The following BCAS3 variants were observed in gnomAD, a reference collection of about 807,000 sequenced individuals.
BCAS3 encodes the protein BCAS4/BCAS3 fusion.
In BCAS3, 53 loss-of-function variants were observed where a neutral mutation model predicts 116.1. The ratio of observed to expected loss-of-function variants is 0.46; its 90% CI spans 0.37 to 0.57. The LOEUF (loss-of-function observed/expected upper bound fraction) is 0.57, where lower values mean the gene tolerates loss of function less well. BCAS3 is among the 20% of genes least tolerant of loss of function. The pLI is 0.00. For missense variants in BCAS3, 917 were observed against 1,165.4 expected (o/e 0.79, Z 3.10); for synonymous variants, 391 against 408.2 (o/e 0.96, Z 0.51).
At chr17:60,970,007 A>G (rs188550271) in intron 14 of BCAS3, among the ~76,000 whole-genome samples, 5 of 152,350 alleles carry the variant, frequency 3.3e-5, no homozygotes, top group Admixed American at 3.3e-4. Flanking sequence ...ATGGCACATA[A>G]TACCAGAAGC....
chr17:60,880,942 C>A (rs2056074808), intron 9 of BCAS3, among the ~76,000 whole-genome samples: 1 of 148,050 alleles, frequency 6.8e-6, no homozygotes, highest in African/African-American at 2.6e-5. Flanking sequence ...ATTGTCTTTT[C>A]ACTTTCTTCT....
intron 7 of BCAS3, among the ~76,000 whole-genome samples, chr17:60,844,653 G>T (rs2052331535): frequency 6.6e-6 from 1 of 152,112 alleles, no homozygotes; most frequent in South Asian, 2.1e-4. Context: ...TATCAAGCAT[G>T]ACCATCTAAG....
chr17:61,212,643 G>A (rs1350268807), intron 22 of BCAS3, among the ~76,000 whole-genome samples: 1 of 151,908 alleles, frequency 6.6e-6, no homozygotes, highest in Non-Finnish European at 1.5e-5. Flanking sequence ...AAATATTTCT[G>A]TGTATTCAAG....
chr17:60,781,615 T>G (rs896828874), intron 6 of BCAS3, among the ~76,000 whole-genome samples: 2 of 152,078 alleles, frequency 1.3e-5, no homozygotes, highest in Non-Finnish European at 2.9e-5. Context: ...CCTTCTTGTT[T>G]TTCTTCTTCA....
At chr17:61,234,449 G>C (rs1451205510) in intron 22 of BCAS3, among the ~76,000 whole-genome samples, 1 of 152,182 alleles carries the variant, frequency 6.6e-6, no homozygotes, top group African/African-American at 2.4e-5. Flanking sequence ...CTAAACTGTT[G>C]TATAGGATTA....
chr17:61,070,375 ATATATATATATATATATATATATATC>A (rs749441653), intron 19 of BCAS3: 1 of 116,552 alleles, frequency 8.6e-6, no homozygotes, highest in South Asian at 1.9e-4. Context: ...GAATATATAT[ATATATATATATATATATATATATATC>A]TTTTCACCAT....
In BCAS3 at chr17:61,355,947, T is replaced by C. The variant is rs1000857724; in HGVS notation, c.2426-12380T>C. On this transcript the variant is annotated intron_variant, in intron 22 of 23. Transcript: ENST00000407086. The surrounding 1 kb of genome is among the most constrained non-coding windows in gnomAD (Gnocchi z 4.2). The stretch of plus-strand genomic sequence containing the variant: ...ATCACAGCTCTATGTGTATGTTTTC[T>C]ATCCACCTGAAGAAGCAGGCCAGAG... Among the ~76,000 whole-genome samples the C allele has an allele frequency of 3.3e-5, 5 of 152,234 alleles. No individual in the cohort carries two copies. The highest frequency in any genetic ancestry group is 5.9e-5 in the Non-Finnish European group (4 of 68,044).
chr17:60,866,858 T>C (rs886950064), intron 7 of BCAS3, among the ~76,000 whole-genome samples: 13 of 152,158 alleles, frequency 8.5e-5, no homozygotes, highest in Non-Finnish European at 1.5e-4. Context: ...AAAGTTTTTG[T>C]TTTATTGATT....
chr17:61,200,372 G>A lies in BCAS3; in HGVS notation c.2425+115808G>A, dbSNP rs2080748491. Among the ~76,000 whole-genome samples the A allele has an allele frequency of 6.6e-6, 1 of 152,134 alleles. No homozygotes were observed. Among genetic ancestry groups the A allele is most frequent in the Non-Finnish European group, 1.5e-5 (1 of 68,018 alleles). On this transcript the variant is annotated intron_variant, in intron 22 of 23. Transcript: ENST00000407086. The surrounding 1 kb of genome is among the most constrained non-coding windows in gnomAD (Gnocchi z 5.1). ...AATAGTGACAACTAACATCAATTTGGCACTTACTATTGACAAAGCATTATT... is the reference window on the plus strand; with the variant it reads ...AATAGTGACAACTAACATCAATTTGACACTTACTATTGACAAAGCATTATT...
At chr17:61,025,582 A>G (rs769478115) in intron 16 of BCAS3, among the ~76,000 whole-genome samples, 7 of 152,122 alleles carry the variant, frequency 4.6e-5, no homozygotes, top group Non-Finnish European at 8.8e-5. Flanking sequence ...ATGTATTTCT[A>G]TGGGTTCACA....
chr17:61,317,277 A>C (rs1401008534), intron 22 of BCAS3, among the ~76,000 whole-genome samples: 1 of 152,204 alleles, frequency 6.6e-6, no homozygotes, highest in Non-Finnish European at 1.5e-5. Flanking sequence ...GGCCAGAGAG[A>C]GGGGACTCCT....
rs139019866 is a variant in BCAS3, at chr17:61,326,111, G to T, written c.2426-42216G>T. 4.0e-3 allele frequency among the ~76,000 whole-genome samples: 611 copies of T among 152,246 alleles called. 2 individuals carry two copies. Among genetic ancestry groups the T allele is most frequent in the African/African-American group, 0.014 (583 of 41,546 alleles). ...AAGTTTGTGGTCTAGGAGGGGAAAA[G>T]ACATTAATCAGATAATCTCACAAAT... On this transcript the variant is annotated intron_variant, in intron 22 of 23. Transcript: ENST00000407086. This position sits in a 1 kb window ranked among gnomAD's most constrained non-coding sequence, Gnocchi z 5.3.
At chr17:61,040,972 A>G (rs2145621064) in intron 19 of BCAS3, 80 bp downstream of exon 19, 4 of 1,211,700 alleles carry the variant, frequency 3.3e-6, no homozygotes, top group Non-Finnish European at 4.9e-6. Context: ...GAAAGCAAAC[A>G]TTACCACTGG....
intron 13 of BCAS3, among the ~76,000 whole-genome samples, chr17:60,928,046 C>T (rs1340163480): frequency 2.0e-5 from 3 of 152,148 alleles, no homozygotes; most frequent in Non-Finnish European, 4.4e-5. Context: ...TGATTTTACC[C>T]GTTTCAGCTA....
In BCAS3 at chr17:61,368,867, C is replaced by G. The variant is rs184257796; in HGVS notation, c.2593+373C>G. ...GCTGGAGACTTAGAGATTGGCAAGT[C>G]TCAGTAGGGCCTGCCAACCTGAGCG... On this transcript the variant is annotated intron_variant, in intron 23 of 23. Transcript: ENST00000407086. This position sits in a 1 kb window ranked among gnomAD's most constrained non-coding sequence, Gnocchi z 6.0. Among the ~76,000 whole-genome samples, 1 of 152,320 alleles carries G rather than the reference C, an allele frequency of 6.6e-6. No homozygotes were observed. The highest frequency in any genetic ancestry group is 6.5e-5 in the Admixed American group (1 of 15,310).
chr17:61,272,381 C>A (rs150142709), intron 22 of BCAS3, among the ~76,000 whole-genome samples: 1 of 151,840 alleles, frequency 6.6e-6, no homozygotes. Context: ...GCCTGTAATC[C>A]CAGCACTTTG....
chr17:61,271,294 GT>G (rs950437405), intron 22 of BCAS3, among the ~76,000 whole-genome samples: 230 of 138,792 alleles, frequency 1.7e-3, no homozygotes, highest in African/African-American at 5.9e-3. Context: ...CGCCCGACTA[GT>G]TTTTTGTATT....
intron 22 of BCAS3, among the ~76,000 whole-genome samples, chr17:61,353,395 G>C (rs917256869): frequency 3.3e-5 from 5 of 152,192 alleles, no homozygotes; most frequent in African/African-American, 1.2e-4. Context: ...AGGGGTCTGA[G>C]CAGCTGCCTT....
At chr17:60,845,114 C>T (rs980866984) in intron 7 of BCAS3, among the ~76,000 whole-genome samples, 1 of 152,114 alleles carries the variant, frequency 6.6e-6, no homozygotes, top group African/African-American at 2.4e-5. Context: ...CCTGTAATCT[C>T]AGCTCTCAGG....
Sources: gnomAD v4.1 joint callset for allele counts (sites outside exome capture counted in the v4.1 genomes callset) on GRCh38, gnomAD v4.1.1 for gene constraint, Gnocchi (gnomAD v3.1) non-coding constraint, MANE v1.5 for transcripts, NCBI Gene and HGNC (gene_info 2026-07-23, HGNC 2026-07-21) for gene names.